CEP70: variants seen among roughly 807,000 people sequenced by gnomAD.
CEP70 encodes centrosomal protein of 70 kDa.
Under a neutral mutation model 90.9 loss-of-function variants are expected in CEP70, and 70 were observed. The observed-to-expected ratio is 0.77, with a 90% CI of 0.64 to 0.94. The LOEUF is 0.94. CEP70 is among the 40% of genes least tolerant of loss of function. CEP70 has a pLI of 0.00. For missense variants in CEP70, 648 were observed against 669.0 expected (o/e 0.97, Z 0.35); for synonymous variants, 220 against 228.3 (o/e 0.96, Z 0.33).
chr3:138,585,840 T>A (rs1430062604), intron 2 of CEP70, among the ~76,000 whole-genome samples: 1 of 152,192 alleles, frequency 6.6e-6, no homozygotes. Flanking sequence ...TGCAGAAGAA[T>A]GGAACTAGAC....
chr3:138,592,765 G>C (rs1338262668), intron 1 of CEP70, among the ~76,000 whole-genome samples: 2 of 152,006 alleles, frequency 1.3e-5, no homozygotes, highest in Non-Finnish European at 2.9e-5. Flanking sequence ...TGGGGTGGGG[G>C]AGGGGAGCTG....
intron 3 of CEP70, among the ~76,000 whole-genome samples, chr3:138,572,289 C>T (rs547378997): frequency 1.3e-5 from 2 of 152,262 alleles, no homozygotes; most frequent in Admixed American, 6.5e-5. Flanking sequence ...TGACTTCTTC[C>T]TCCTTTTTTT....
At chr3:138,592,095 AATGGCCTTCC>A in intron 1 of CEP70, 139 bp from the exon 2 acceptor site, 1 of 504,838 alleles carries the variant, frequency 2.0e-6, no homozygotes, top group Non-Finnish European at 3.5e-6. Flanking sequence ...AATAACTGCT[AATGGCCTTCC>A]CAGCTCACCA....
Position 138,570,341 on chromosome 3 carries a change from G to A in CEP70, c.442C>T (p.Gln148Ter). The A allele has an allele frequency of 6.3e-7, 1 of 1,584,328 alleles. No homozygotes were observed. Among genetic ancestry groups the A allele is most frequent in the Non-Finnish European group, 8.5e-7 (1 of 1,170,274 alleles). The change falls in exon 6 of 18, where the codon CAA becomes TAA. Residue 148 changes from glutamine to a stop codon, truncating the protein, a stop_gained. Transcript: ENST00000264982. LOFTEE classifies it high-confidence loss of function. ...CHQQNKIKDL[Q>*]KEQKTLQVKC... ...ACCTGTAAAGTTTTCTGCTCCTTTT[G>A]AAGATCTTTTATTTTATTCTGTTGG...
intron 16 of CEP70, chr3:138,499,871 C>T: frequency 2.5e-6 from 1 of 406,264 alleles, no homozygotes; most frequent in Non-Finnish European, 4.6e-6. Context: ...CTATTCCAAA[C>T]AGGGAAGGTA....
intron 6 of CEP70, among the ~76,000 whole-genome samples, chr3:138,537,937 T>C (rs939573168): frequency 1.3e-5 from 2 of 151,918 alleles, no homozygotes; most frequent in African/African-American, 4.8e-5. Context: ...GATGGGACAA[T>C]CCCCGGGACC....
chr3:138,572,942 A>G lies in CEP70; in HGVS notation c.-5-10T>C. 1 of 1,591,116 alleles carries G rather than the reference A, an allele frequency of 6.3e-7. No individual in the cohort carries two copies. Among genetic ancestry groups the G allele is most frequent in the Non-Finnish European group, 8.6e-7 (1 of 1,166,426 alleles). On this transcript the variant is annotated splice_polypyrimidine_tract_variant and intron_variant, in intron 2 of 17. Coordinates refer to ENST00000264982, the MANE Select transcript of CEP70 (RefSeq NM_024491.4). Reference sequence around the variant, plus strand: ...ACCGGAAACATAGTTACTTTTGTAGAATCAAAAGAAACAGAAATTGGCAAT... The same window carrying G: ...ACCGGAAACATAGTTACTTTTGTAGGATCAAAAGAAACAGAAATTGGCAAT...
At chr3:138,495,618 G>A (rs1209779078) in intron 17 of CEP70, among the ~76,000 whole-genome samples, 6 of 152,182 alleles carry the variant, frequency 3.9e-5, no homozygotes, top group African/African-American at 9.7e-5. Flanking sequence ...TTGGGAGGCC[G>A]AGACGGGAAG....
chr3:138,534,125 T>C (rs1370843338), intron 7 of CEP70, among the ~76,000 whole-genome samples: 2 of 152,218 alleles, frequency 1.3e-5, no homozygotes, highest in African/African-American at 2.4e-5. Context: ...ATTTAAAAAA[T>C]GAGAGAAAAA....
intron 6 of CEP70, among the ~76,000 whole-genome samples, chr3:138,552,129 T>G (rs547300376): frequency 3.3e-5 from 5 of 152,054 alleles, no homozygotes; most frequent in African/African-American, 1.2e-4. Flanking sequence ...AATATCACAA[T>G]CCTAAATATA....
chr3:138,547,008 A>C (rs2039259482), intron 6 of CEP70, among the ~76,000 whole-genome samples: 1 of 152,198 alleles, frequency 6.6e-6, no homozygotes, highest in African/African-American at 2.4e-5. Flanking sequence ...AAGATGAAAA[A>C]TGAAATGAAA....
At chr3:138,551,767 AAC>A in intron 6 of CEP70, among the ~76,000 whole-genome samples, 1 of 151,936 alleles carries the variant, frequency 6.6e-6, no homozygotes. Context: ...AATAAAATAA[AAC>A]AAAACCCAAA....
chr3:138,589,756 T>A (rs1157996994), intron 2 of CEP70, among the ~76,000 whole-genome samples: 1 of 152,170 alleles, frequency 6.6e-6, no homozygotes, highest in Non-Finnish European at 1.5e-5. Flanking sequence ...CTGACTTTGA[T>A]ACCAATACTT....
chr3:138,547,188 C>G (rs1183378192), intron 6 of CEP70, among the ~76,000 whole-genome samples: 2 of 152,166 alleles, frequency 1.3e-5, no homozygotes, highest in Non-Finnish European at 2.9e-5. Context: ...CCACCTGTTT[C>G]TACAAGTTAA....
chr3:138,591,864 G>A lies in CEP70; in HGVS notation c.-16C>T, dbSNP rs1312656706. 1 of 1,526,786 alleles carries A rather than the reference G, an allele frequency of 6.5e-7. No individual in the cohort carries two copies. Among genetic ancestry groups the A allele is most frequent in the Admixed American group, 2.0e-5 (1 of 49,260 alleles). 94.6% of individuals were successfully genotyped at this position (1,526,786 alleles called of 1,614,324 possible). ...TTACATTAGACATACCTCAGTCATA[G>A]CATATTACTCTTGCACTTTACACCT... is the stretch of plus-strand genomic sequence containing the variant. On this transcript the variant is annotated 5_prime_UTR_variant, in exon 2 of 18. Coordinates refer to ENST00000264982, the MANE Select transcript of CEP70 (RefSeq NM_024491.4).
chr3:138,558,857 C>T (rs2040203964), intron 6 of CEP70, among the ~76,000 whole-genome samples: 1 of 152,128 alleles, frequency 6.6e-6, no homozygotes, highest in Admixed American at 6.5e-5. Context: ...ACAAAAACAG[C>T]AGGCTATAAA....
intron 6 of CEP70, among the ~76,000 whole-genome samples, chr3:138,566,151 G>A (rs2040770711): frequency 6.6e-6 from 1 of 152,174 alleles, no homozygotes; most frequent in African/African-American, 2.4e-5. Context: ...ATTTAGAATG[G>A]CGATCATTAA....
At chr3:138,525,700 T>C (rs2037160995) in intron 10 of CEP70, 136 bp from the exon 11 acceptor site, 1 of 368,854 alleles carries the variant, frequency 2.7e-6, no homozygotes, top group Admixed American at 4.6e-5. Context: ...ATTTCATGAC[T>C]GCTAATTTGG....
At chr3:138,510,591 C>T (rs2035436221) in intron 11 of CEP70, among the ~76,000 whole-genome samples, 1 of 152,184 alleles carries the variant, frequency 6.6e-6, no homozygotes, top group Non-Finnish European at 1.5e-5. Context: ...ATTTTACAAA[C>T]AGCAGGCAGA....
Sources: gnomAD v4.1 joint callset for allele counts (sites outside exome capture counted in the v4.1 genomes callset) on GRCh38, gnomAD v4.1.1 for gene constraint, MANE v1.5 for transcripts, NCBI Gene and HGNC (gene_info 2026-07-23, HGNC 2026-07-21) for gene names.